TYW3: variants seen among roughly 807,000 people sequenced by gnomAD.
The protein encoded by TYW3 is tRNA wybutosine-synthesizing protein 3 homolog.
In TYW3, 26 loss-of-function variants were observed where a neutral mutation model predicts 23.1. That is an observed-to-expected ratio of 1.13 (90% confidence interval 0.83 to 1.56). The LOEUF is 1.56. Among genes scored for constraint, TYW3 ranks in the 40% most tolerant of loss-of-function variants. The probability of loss-of-function intolerance (pLI) is 0.00; values close to 1 mark genes in which losing one functional copy is unlikely to be tolerated. For synonymous variants in TYW3, 102 were observed against 105.7 expected, an observed-to-expected ratio of 0.97 and a Z score of 0.21; for missense variants, 316 against 311.9, an observed-to-expected ratio of 1.01 and a Z score of -0.10.
chr1:74,744,306 T>G (rs1207208691), intron 3 of TYW3, among the ~76,000 whole-genome samples: 1 of 151,980 alleles, frequency 6.6e-6, no homozygotes, highest in African/African-American at 2.4e-5. Flanking sequence ...AGCTGCAGGA[T>G]AGTATTGTAA....
chr1:74,761,951 G>A (rs915708549), intron 5 of TYW3, among the ~76,000 whole-genome samples: 5 of 152,022 alleles, frequency 3.3e-5, no homozygotes, highest in African/African-American at 7.2e-5. Context: ...TTTCAGTAAC[G>A]GAAGGATGTA....
chr1:74,761,367 TC>T (rs1392225829), intron 5 of TYW3, among the ~76,000 whole-genome samples: 2 of 152,062 alleles, frequency 1.3e-5, no homozygotes, highest in Non-Finnish European at 2.9e-5. Flanking sequence ...AGGCATACAT[TC>T]CTTTTTAATT....
rs971692886 is a variant in TYW3 at position 74,738,855 on chromosome 1, A to G, written c.354+67A>G. ...GGGTAGATGTAATTTTAAGCTTTTA[A>G]CCTGCTATAAATATCAATGAGATAT... is the stretch of plus-strand genomic sequence containing the variant. On this transcript the variant is annotated intron_variant, in intron 3 of 5. Transcript: ENST00000370867. The G allele has an allele frequency of 8.6e-6, 10 of 1,162,942 alleles. No individual in the cohort carries two copies. The African/African-American group carries it at 1.4e-4, about 16-fold the overall frequency. The allele number at this position is 1,162,942 out of a possible 1,614,324, so 72.0% of individuals were successfully genotyped here.
In TYW3 at chr1:74,765,295, A is replaced by ACTT. The variant is rs1345977771; in HGVS notation, c.*1183_*1185dup. On this transcript the variant is annotated 3_prime_UTR_variant, in exon 6 of 6. Coordinates refer to ENST00000370867, the MANE Select transcript of TYW3 (RefSeq NM_138467.3). The stretch of plus-strand genomic sequence containing the variant: ...CCTGTGCCAGGGATTTCATGTGTAC[A>ACTT]CTTTATAGGAGAATAAGCAAGAGCT... 6.6e-6 allele frequency: 1 copy of ACTT among 152,166 alleles called. No individual in the cohort carries two copies. The highest frequency in any genetic ancestry group is 2.4e-5 in the African/African-American group (1 of 41,446). 9.4% of individuals were successfully genotyped at this position (152,166 alleles called of 1,614,324 possible). A position where few individuals can be genotyped will look rare whatever the true frequency, so the allele number is the denominator to read the frequency against.
chr1:74,745,609 A>T (rs969019899), intron 3 of TYW3, among the ~76,000 whole-genome samples: 1 of 152,040 alleles, frequency 6.6e-6, no homozygotes, highest in Non-Finnish European at 1.5e-5. Context: ...CCAAATCCCC[A>T]CTCGACCCAG....
chr1:74,743,950 C>A (rs796920686), intron 3 of TYW3, among the ~76,000 whole-genome samples: 10 of 152,258 alleles, frequency 6.6e-5, no homozygotes, highest in African/African-American at 2.2e-4. Flanking sequence ...CCCAGATGTA[C>A]CTTGATCTGC....
chr1:74,737,683 T>A (rs1458642734), intron 2 of TYW3, among the ~76,000 whole-genome samples: 1 of 152,164 alleles, frequency 6.6e-6, no homozygotes, highest in Non-Finnish European at 1.5e-5. Context: ...TTTCACTAGG[T>A]GGTCAGACTA....
Position 74,752,417 on chromosome 1 carries a change from A to C in TYW3, c.552A>C (p.Arg184Ser). The change falls in exon 5 of 6, where the codon AGA (arginine) becomes AGC (serine). Residue 184 changes from arginine (R) to serine (S), a missense_variant. Arg to Ser is a moderately radical substitution (Grantham distance 110). Transcript: ENST00000370867. ...ANQKMEENKK[R>S]IERFYNCLQH... Reference sequence around the variant, plus strand: ...AAAAAATGGAGGAAAACAAGAAAAGAATTGAGAGGTATATTAATTGGGTAT... The same window carrying C: ...AAAAAATGGAGGAAAACAAGAAAAGCATTGAGAGGTATATTAATTGGGTAT... 1 of 1,613,340 alleles carries C rather than the reference A, an allele frequency of 6.2e-7. No homozygotes were observed. The highest frequency in any genetic ancestry group is 1.3e-5 in the African/African-American group (1 of 75,024).
intron 5 of TYW3, among the ~76,000 whole-genome samples, chr1:74,752,657 T>C (rs187816079): frequency 3.3e-4 from 50 of 152,234 alleles, no homozygotes; most frequent in Non-Finnish European, 6.0e-4. Flanking sequence ...TGGGGGATGG[T>C]AGGCACGTGA....
intron 5 of TYW3, among the ~76,000 whole-genome samples, chr1:74,756,073 TTGTGA>T (rs1162204580): frequency 1.3e-5 from 2 of 152,196 alleles, no homozygotes; most frequent in African/African-American, 4.8e-5. Flanking sequence ...TCCACCATGA[TTGTGA>T]GGCCTTCCCA....
At position 74,764,716 on chromosome 1, in the gene TYW3, A is replaced by G. The variant is rs996901616; in HGVS notation, c.*603A>G. The G allele has an allele frequency of 1.3e-5, 2 of 152,166 alleles. No individual in the cohort carries two copies. Among genetic ancestry groups the G allele is most frequent in the African/African-American group, 4.8e-5 (2 of 41,454 alleles). 9.4% of individuals were successfully genotyped at this position (152,166 alleles called of 1,614,324 possible). ...AGGAACAAAGATTTGGGAATAATTG[A>G]TTACAGGTGAGGAAGTACTGGAATT... On this transcript the variant is annotated 3_prime_UTR_variant, in exon 6 of 6. Coordinates refer to ENST00000370867, the MANE Select transcript of TYW3 (RefSeq NM_138467.3).
In TYW3 at chr1:74,757,207, T is replaced by A. The variant is rs540139388; in HGVS notation, c.560+4782T>A. 3.3e-5 allele frequency among the ~76,000 whole-genome samples: 5 copies of A among 152,262 alleles called. No individual in the cohort carries two copies. The South Asian group carries it at 1.0e-3, about 32-fold the overall frequency. ...GAGTCCCTACTCGGGCAATGCCTAGTGGAGCTGTGAGAAGCGGGCTACCAT... is the reference window on the plus strand; with the variant it reads ...GAGTCCCTACTCGGGCAATGCCTAGAGGAGCTGTGAGAAGCGGGCTACCAT... On this transcript the variant is annotated intron_variant, in intron 5 of 5. Transcript: ENST00000370867.
At chr1:74,735,143 T>C (rs1364543529) in intron 1 of TYW3, among the ~76,000 whole-genome samples, 1 of 152,248 alleles carries the variant, frequency 6.6e-6, no homozygotes, top group Non-Finnish European at 1.5e-5. Flanking sequence ...TTTGACAAAT[T>C]GCAACTCTGC....
intron 3 of TYW3, among the ~76,000 whole-genome samples, chr1:74,744,496 A>G (rs145027377): frequency 0.011 from 1,647 of 152,262 alleles, 33 homozygotes; most frequent in African/African-American, 0.038. Context: ...TTTGGCTGAC[A>G]GGTGTCTGGT....
At chr1:74,742,094 G>A (rs1648381981) in intron 3 of TYW3, among the ~76,000 whole-genome samples, 1 of 152,182 alleles carries the variant, frequency 6.6e-6, no homozygotes, top group Non-Finnish European at 1.5e-5. Flanking sequence ...AATTTGTAAA[G>A]GTATCAACAC....
intron 3 of TYW3, among the ~76,000 whole-genome samples, chr1:74,745,781 C>T (rs1648547595): frequency 2.0e-5 from 3 of 152,168 alleles, no homozygotes; most frequent in African/African-American, 7.2e-5. Context: ...TTATTTTTCT[C>T]ACAGTTAGGA....
At chr1:74,757,223 G>A (rs191292995) in intron 5 of TYW3, among the ~76,000 whole-genome samples, 8 of 152,258 alleles carry the variant, frequency 5.3e-5, no homozygotes, top group African/African-American at 7.2e-5. Flanking sequence ...TGTGAGAAGC[G>A]GGCTACCATC....
chr1:74,746,596 G>A (rs1369142253), intron 3 of TYW3, among the ~76,000 whole-genome samples: 1 of 152,108 alleles, frequency 6.6e-6, no homozygotes, highest in African/African-American at 2.4e-5. Context: ...TTTTTGAGGG[G>A]GGTCCTTACC....
At chr1:74,752,494 C>G (rs1336355248) in intron 5 of TYW3, 69 bp downstream of exon 5, 2 of 1,390,908 alleles carry the variant, frequency 1.4e-6, no homozygotes, top group East Asian at 4.7e-5. Flanking sequence ...TTAATACTTA[C>G]TATCTTCAGT....
Sources: allele counts gnomAD v4.1 joint callset (sites outside exome capture counted in the v4.1 genomes callset), GRCh38; gene constraint gnomAD v4.1.1; transcripts MANE v1.5; gene names NCBI Gene and HGNC (gene_info 2026-07-23, HGNC 2026-07-21).